Variants in TRPM3 observed in about 807,000 individuals in gnomAD.
The protein encoded by TRPM3 is transient receptor potential cation channel subfamily M member 3, also known as long transient receptor potential channel 3.
Under a neutral mutation model 181.2 loss-of-function variants are expected in TRPM3, and 77 were observed. That is an observed-to-expected ratio of 0.42 (90% CI 0.35 to 0.51). The LOEUF is 0.51. Ranked by LOEUF, TRPM3 falls within the 20% of genes least tolerant of loss-of-function variation. TRPM3 has a pLI of 0.01. For missense variants in TRPM3, 1,759 were observed against 2,196.7 expected (o/e 0.80, Z 3.98); for synonymous variants, 745 against 796.4 (o/e 0.94, Z 1.09).
intron 1 of TRPM3, among the ~76,000 whole-genome samples, chr9:71,329,784 G>A (rs2089981918): frequency 6.6e-6 from 1 of 152,094 alleles, no homozygotes; most frequent in Non-Finnish European, 1.5e-5. Flanking sequence ...TGGGGGTATT[G>A]TCTAACAATG....
intron 22 of TRPM3, among the ~76,000 whole-genome samples, chr9:70,570,847 A>G (rs1424703285): frequency 3.3e-5 from 5 of 152,168 alleles, no homozygotes; most frequent in African/African-American, 7.2e-5. Context: ...TTGATTCCAC[A>G]TATCTCCAGG....
chr9:71,024,635 G>C (rs898628748), intron 1 of TRPM3, among the ~76,000 whole-genome samples: 1 of 152,162 alleles, frequency 6.6e-6, no homozygotes, highest in African/African-American at 2.4e-5. Flanking sequence ...CTATGCCTCA[G>C]GTCTTCCTAA....
At chr9:71,402,129 A>T (rs2093352080) in intron 1 of TRPM3, among the ~76,000 whole-genome samples, 1 of 152,232 alleles carries the variant, frequency 6.6e-6, no homozygotes. Context: ...TAGAAGCAGC[A>T]TGCAAGTCTA....
rs184813045 is a variant in TRPM3, at chr9:70,835,413, T to C, written c.802-7395A>G. On this transcript the variant is annotated intron_variant, in intron 5 of 25. Transcript: ENST00000677713. ...GCTTCGAAATGTGTCTTCTTCCCTT[T>C]ATTCTAAACTGGTGGATGCATCATA... 1.1e-3 allele frequency among the ~76,000 whole-genome samples: 172 copies of C among 152,270 alleles called. 1 individual carries two copies. Among genetic ancestry groups the C allele is most frequent in the African/African-American group, 3.9e-3 (162 of 41,562 alleles).
chr9:71,397,321 T>G (rs960417697), intron 1 of TRPM3, among the ~76,000 whole-genome samples: 15 of 152,020 alleles, frequency 9.9e-5, no homozygotes, highest in Non-Finnish European at 1.9e-4. Context: ...GTAATATCTG[T>G]TTTTTTTAAA....
At chr9:70,968,728 A>G (rs974639576) in intron 1 of TRPM3, among the ~76,000 whole-genome samples, 2 of 152,114 alleles carry the variant, frequency 1.3e-5, no homozygotes, top group East Asian at 3.9e-4. Flanking sequence ...ATATTTTCTC[A>G]TTTGATGCTT....
chr9:70,700,432 G>A (rs534206815), intron 8 of TRPM3, among the ~76,000 whole-genome samples: 29 of 152,224 alleles, frequency 1.9e-4, no homozygotes, highest in South Asian at 1.9e-3. Flanking sequence ...ATAGGGGGGC[G>A]ATGAATCAGA....
At chr9:71,002,366 T>C (rs1043762069) in intron 1 of TRPM3, among the ~76,000 whole-genome samples, 3 of 152,224 alleles carry the variant, frequency 2.0e-5, no homozygotes, top group Admixed American at 6.5e-5. Flanking sequence ...GTTTTAGCTT[T>C]TGAATCTTGA....
Position 70,786,311 on chromosome 9 carries a change from C to CAAAAAAAAAA in TRPM3, c.974-2042_974-2033dup, listed in dbSNP as rs71367227. Among the ~76,000 whole-genome samples, 151 of 54,442 alleles carry CAAAAAAAAAA rather than the reference C, an allele frequency of 2.8e-3. 2 individuals are homozygous for CAAAAAAAAAA. Among genetic ancestry groups the CAAAAAAAAAA allele is most frequent in the Admixed American group, 3.3e-3 (13 of 3,930 alleles). The allele number at this position is 54,442 out of a possible 152,430, so 35.7% of individuals were successfully genotyped here. A position where few individuals can be genotyped will look rare whatever the true frequency, so the allele number is the denominator to read the frequency against. ...GAAACCCTGTCACTACTAAAAATACCAAAAAAAAAAAAAAAAAAAAAAAAT... is the reference window on the plus strand; with the variant it reads ...GAAACCCTGTCACTACTAAAAATACCAAAAAAAAAAAAAAAAAAAAAAAAAAAAAAAAAAT... On this transcript the variant is annotated intron_variant, in intron 6 of 25. Transcript: ENST00000677713.
chr9:71,076,458 C>G (rs1257104436), intron 1 of TRPM3, among the ~76,000 whole-genome samples: 1 of 152,298 alleles, frequency 6.6e-6, no homozygotes, highest in East Asian at 1.9e-4. Context: ...CAGCCATCAG[C>G]TGGGAAAGGG....
intron 25 of TRPM3, 110 bp downstream of exon 25, chr9:70,549,432 T>G: frequency 7.3e-7 from 1 of 1,377,468 alleles, no homozygotes; most frequent in Non-Finnish European, 9.7e-7. Context: ...TCTCAGACAA[T>G]AAAAACAAAC....
At chr9:70,574,087 C>T (rs561541442) in intron 22 of TRPM3, among the ~76,000 whole-genome samples, 25 of 84,044 alleles carry the variant, frequency 3.0e-4, no homozygotes, top group African/African-American at 6.1e-4. Flanking sequence ...CACACACACG[C>T]GCGCGCACAC....
At chr9:70,665,787 T>C (rs1564764798) in intron 9 of TRPM3, among the ~76,000 whole-genome samples, 1 of 152,004 alleles carries the variant, frequency 6.6e-6, no homozygotes, top group African/African-American at 2.4e-5. Context: ...TGAGCAGGAG[T>C]CTATGGAAAC....
chr9:71,310,837 C>T (rs747106745), intron 1 of TRPM3, among the ~76,000 whole-genome samples: 1 of 152,058 alleles, frequency 6.6e-6, no homozygotes, highest in African/African-American at 2.4e-5. Context: ...CTTAACCTAA[C>T]ATGTTTCTTA....
At chr9:70,984,914 A>G (rs1467288386) in intron 1 of TRPM3, among the ~76,000 whole-genome samples, 1 of 152,278 alleles carries the variant, frequency 6.6e-6, no homozygotes, top group Non-Finnish European at 1.5e-5. Context: ...TTTACCTTGC[A>G]GAATATGAGG....
chr9:71,044,443 C>T (rs1467849065), intron 1 of TRPM3, among the ~76,000 whole-genome samples: 1 of 152,170 alleles, frequency 6.6e-6, no homozygotes, highest in Non-Finnish European at 1.5e-5. Context: ...TTTGCTTTTC[C>T]ACCAATTTTC....
At chr9:71,074,880 A>T (rs1279117068) in intron 1 of TRPM3, among the ~76,000 whole-genome samples, 3 of 152,306 alleles carry the variant, frequency 2.0e-5, no homozygotes, top group East Asian at 3.9e-4. Flanking sequence ...TTTAAGGAGA[A>T]AAAAACATTT....
Position 70,610,729 on chromosome 9 carries a change from G to GTTGT in TRPM3, c.2543_2546dup (p.Asn849LysfsTer11). The GTTGT allele has an allele frequency of 6.2e-7, 1 of 1,614,098 alleles. No homozygotes were observed. Among genetic ancestry groups the GTTGT allele is most frequent in the Non-Finnish European group, 8.5e-7 (1 of 1,180,002 alleles). The stretch of plus-strand genomic sequence containing the variant: ...CATCCTTCTTCCTGGAGGACTCCCC[G>GTTGT]TTGTTTCGTCCCAACATTGCCTATG... On this transcript the variant is annotated frameshift_variant, in exon 19 of 26. Transcript: ENST00000677713. LOFTEE classifies it high-confidence loss of function.
At chr9:70,773,600 T>A (rs979193205) in intron 7 of TRPM3, among the ~76,000 whole-genome samples, 1 of 152,206 alleles carries the variant, frequency 6.6e-6, no homozygotes, top group Non-Finnish European at 1.5e-5. Context: ...TTTTGTTACA[T>A]GTTTATGATA....
Sources: gnomAD v4.1 joint callset for allele counts (sites outside exome capture counted in the v4.1 genomes callset) on GRCh38, gnomAD v4.1.1 for gene constraint, MANE v1.5 for transcripts, NCBI Gene and HGNC (gene_info 2026-07-23, HGNC 2026-07-21) for gene names.